The following NAALADL2 variants were observed in gnomAD, a reference collection of about 807,000 sequenced individuals.
The protein encoded by NAALADL2 is inactive N-acetylated-alpha-linked acidic dipeptidase-like protein 2.
NAALADL2 carries 76 observed loss-of-function variants against 87.2 expected under a neutral mutation model. The observed-to-expected ratio is 0.87, with a 90% CI of 0.72 to 1.05. NAALADL2 has a LOEUF of 1.05. Ranked by LOEUF, NAALADL2 falls within the 50% of genes least tolerant of loss-of-function variation. The probability of loss-of-function intolerance (pLI) is 0.00; values close to 1 mark genes in which losing one functional copy is unlikely to be tolerated. For synonymous variants in NAALADL2, 354 were observed against 331.0 expected, an observed-to-expected ratio of 1.07 and a Z score of -0.75; for missense variants, 1,089 against 945.8, an observed-to-expected ratio of 1.15 and a Z score of -1.99.
In NAALADL2 at chr3:174,534,550, C is replaced by T. The variant is rs144745385; in HGVS notation, c.-183-16019C>T. 1.4e-3 allele frequency among the ~76,000 whole-genome samples: 219 copies of T among 152,276 alleles called. 3 individuals carry two copies. The highest frequency in any genetic ancestry group is 0.01 in the Middle Eastern group (3 of 294). On this transcript the variant is annotated intron_variant, in intron 1 of 3. Coordinates refer to the NAALADL2 transcript ENST00000434257. ...CTGCTCCCAAGATGTCCAGAGCAGT[C>T]CTAGCCATCACATCTGTATACAACA...
At chr3:174,786,410 C>T (rs1256345480) in intron 3 of NAALADL2, among the ~76,000 whole-genome samples, 4 of 147,466 alleles carry the variant, frequency 2.7e-5, no homozygotes, top group African/African-American at 1.0e-4. Flanking sequence ...GAGATCACAC[C>T]ACTGCACTCC....
chr3:174,483,430 G>C (rs1395022436), intron 1 of NAALADL2, among the ~76,000 whole-genome samples: 4 of 151,856 alleles, frequency 2.6e-5, no homozygotes, highest in African/African-American at 9.7e-5. Flanking sequence ...GAACAGCATG[G>C]GGAAACCACT....
At chr3:175,314,690 A>AGTTCTAAC (rs1230116243) in intron 4 of NAALADL2, among the ~76,000 whole-genome samples, 1 of 51,458 alleles carries the variant, frequency 1.9e-5, no homozygotes, top group African/African-American at 8.0e-5. Context: ...ATATATATAT[A>AGTTCTAAC]TATATATATA....
intron 1 of NAALADL2, among the ~76,000 whole-genome samples, chr3:174,490,569 TC>T (rs1718123275): frequency 6.6e-6 from 1 of 152,228 alleles, no homozygotes; most frequent in East Asian, 1.9e-4. Context: ...TCAATAAAGA[TC>T]TTTTTTTAAA....
At chr3:175,481,523 C>T (rs1395381005) in intron 9 of NAALADL2, among the ~76,000 whole-genome samples, 1 of 151,566 alleles carries the variant, frequency 6.6e-6, no homozygotes, top group East Asian at 1.9e-4. Context: ...GGCGCCATCC[C>T]TTGAAAAAAT....
chr3:174,947,830 TATA>T (rs775508709), intron 1 of NAALADL2, among the ~76,000 whole-genome samples: 78 of 152,182 alleles, frequency 5.1e-4, no homozygotes, highest in Non-Finnish European at 9.3e-4. Flanking sequence ...TCTAAATTAT[TATA>T]ATTATTATTT....
chr3:174,664,321 C>A (rs1046180560), intron 2 of NAALADL2, among the ~76,000 whole-genome samples: 4 of 152,108 alleles, frequency 2.6e-5, no homozygotes, highest in Admixed American at 2.0e-4. Context: ...ATTCTTTTAG[C>A]GATCGGACAT....
At chr3:174,530,476 A>G (rs1021464399) in intron 1 of NAALADL2, among the ~76,000 whole-genome samples, 6 of 152,166 alleles carry the variant, frequency 3.9e-5, no homozygotes, top group Non-Finnish European at 7.4e-5. Context: ...TTTCAGCAGC[A>G]CCCCACTCTG....
intron 1 of NAALADL2, among the ~76,000 whole-genome samples, chr3:174,946,120 C>T (rs1250398822): frequency 6.7e-6 from 1 of 150,252 alleles, no homozygotes; most frequent in East Asian, 1.9e-4. Flanking sequence ...GTGACTATTC[C>T]TCTTGTTTAT....
chr3:175,765,934 T>C (rs1386672742), intron 13 of NAALADL2, among the ~76,000 whole-genome samples: 1 of 152,128 alleles, frequency 6.6e-6, no homozygotes, highest in Non-Finnish European at 1.5e-5. Context: ...CAAACCTAGT[T>C]TGTTTTCTCT....
chr3:175,056,275 G>A (rs1712148698), intron 1 of NAALADL2, among the ~76,000 whole-genome samples: 1 of 152,090 alleles, frequency 6.6e-6, no homozygotes, highest in South Asian at 2.1e-4. Context: ...TCTGTTACTT[G>A]GTTATACTCT....
intron 2 of NAALADL2, among the ~76,000 whole-genome samples, chr3:174,664,518 TGTC>T (rs1209667362): frequency 6.6e-6 from 1 of 152,218 alleles, no homozygotes; most frequent in Admixed American, 6.5e-5. Flanking sequence ...CAATGGATGT[TGTC>T]ATAAATATTT....
At chr3:175,613,066 A>G (rs1242615708) in intron 10 of NAALADL2, among the ~76,000 whole-genome samples, 1 of 151,908 alleles carries the variant, frequency 6.6e-6, no homozygotes, top group Non-Finnish European at 1.5e-5. Flanking sequence ...CCTCATCCAT[A>G]ATGACTCCTC....
intron 3 of NAALADL2, among the ~76,000 whole-genome samples, chr3:175,237,974 T>G (rs1435935495): frequency 6.6e-6 from 1 of 152,174 alleles, no homozygotes; most frequent in Non-Finnish European, 1.5e-5. Context: ...CAACCAGTGG[T>G]TTTATCTGTT....
chr3:175,243,255 C>T (rs926507551), intron 3 of NAALADL2, among the ~76,000 whole-genome samples: 24 of 146,318 alleles, frequency 1.6e-4, no homozygotes, highest in African/African-American at 5.1e-4. Context: ...TAATGCATAA[C>T]TGTTTTCTGT....
At chr3:174,894,984 A>G (rs1210838001) in intron 1 of NAALADL2, among the ~76,000 whole-genome samples, 1 of 152,282 alleles carries the variant, frequency 6.6e-6, no homozygotes, top group South Asian at 2.1e-4. Context: ...GAAACAAATG[A>G]TAATGAAAAT....
chr3:175,679,251 A>G (rs1243068428), intron 11 of NAALADL2, among the ~76,000 whole-genome samples: 1 of 151,288 alleles, frequency 6.6e-6, no homozygotes, highest in African/African-American at 2.4e-5. Flanking sequence ...GCCTGACAAC[A>G]TGTACCCTAG....
intron 1 of NAALADL2, among the ~76,000 whole-genome samples, chr3:175,011,111 A>T (rs1163423930): frequency 6.6e-6 from 1 of 152,120 alleles, no homozygotes; most frequent in Non-Finnish European, 1.5e-5. Flanking sequence ...TCTTCCAGAA[A>T]CTGACTTTTT....
At chr3:175,358,224 G>GT (rs970749992) in intron 5 of NAALADL2, among the ~76,000 whole-genome samples, 7 of 151,534 alleles carry the variant, frequency 4.6e-5, no homozygotes, top group East Asian at 3.9e-4. Flanking sequence ...ATACATACAG[G>GT]TTTTTTTTCC....
Sources: gnomAD v4.1 joint callset for allele counts (sites outside exome capture counted in the v4.1 genomes callset) on GRCh38, gnomAD v4.1.1 for gene constraint, MANE v1.5 for transcripts, NCBI Gene and HGNC (gene_info 2026-07-23, HGNC 2026-07-21) for gene names.